CFAP77: variants seen among roughly 807,000 people sequenced by gnomAD.
CFAP77 encodes cilia and flagella associated protein 77.
Under a neutral mutation model 31.1 loss-of-function variants are expected in CFAP77, and 25 were observed. The observed-to-expected ratio is 0.80, with a 90% CI of 0.59 to 1.12. The LOEUF (loss-of-function observed/expected upper bound fraction) is 1.12, where lower values mean the gene tolerates loss of function less well. Among genes scored for constraint, CFAP77 ranks in the 50% most tolerant of loss-of-function variants. The probability of loss-of-function intolerance (pLI) is 0.00; values close to 1 mark genes in which losing one functional copy is unlikely to be tolerated. For synonymous variants in CFAP77, 151 were observed against 159.9 expected, an observed-to-expected ratio of 0.94 and a Z score of 0.42; for missense variants, 377 against 397.3, an observed-to-expected ratio of 0.95 and a Z score of 0.44.
Position 132,446,172 on chromosome 9 carries a change from A to C in CFAP77, c.195+35706A>C, listed in dbSNP as rs188049139. Among the ~76,000 whole-genome samples the C allele has an allele frequency of 4.9e-4, 74 of 152,214 alleles. No homozygotes were observed. In the East Asian group the frequency reaches 6.2e-3, roughly 13 times the overall value. On this transcript the variant is annotated intron_variant, in intron 1 of 5. Transcript: ENST00000393216. ...GGCATGGTGAGCACATGAGAACTTGATCCATGAGATATTTTTCATTATGGA... is the reference window on the plus strand; with the variant it reads ...GGCATGGTGAGCACATGAGAACTTGCTCCATGAGATATTTTTCATTATGGA...
chr9:132,516,632 C>T (rs764090663), intron 3 of CFAP77, among the ~76,000 whole-genome samples: 7 of 147,034 alleles, frequency 4.8e-5, no homozygotes, highest in African/African-American at 1.5e-4. Context: ...CGAGTATGGG[C>T]GAAATCAGGG....
intron 1 of CFAP77, among the ~76,000 whole-genome samples, chr9:132,434,717 C>T (rs1220038694): frequency 1.3e-5 from 2 of 151,940 alleles, no homozygotes; most frequent in African/African-American, 2.4e-5. Flanking sequence ...GTTATCAAGC[C>T]CCCAAGCGCC....
chr9:132,433,708 C>T (rs531530619), intron 1 of CFAP77, among the ~76,000 whole-genome samples: 2 of 152,150 alleles, frequency 1.3e-5, no homozygotes, highest in African/African-American at 4.8e-5. Context: ...CCACCATGCC[C>T]AGCTAATTTT....
chr9:132,529,520 C>CAAAAAACA (rs1852398324), intron 3 of CFAP77, among the ~76,000 whole-genome samples: 1 of 123,416 alleles, frequency 8.1e-6, no homozygotes, highest in Admixed American at 7.7e-5. Context: ...AAAAAAAAAA[C>CAAAAAACA]AAAAAAAAAA....
At position 132,572,427 on chromosome 9, in the gene CFAP77, C is replaced by T. The variant is rs141309620; in HGVS notation, c.772C>T (p.Arg258Cys). ...TGATACGTTCCCCACGGAGGCCGAT[C>T]GCCAGAGAGCATTAAAAGCCCACCG... ...HLDTFPTEAD[R>C]QRALKAHREE... is the part of the protein sequence containing the mutation. The change falls in exon 6 of 6, where the codon CGC becomes TGC. Residue 258 changes from arginine (R) to cysteine (C), a missense_variant. Physicochemically the swap from Arg to Cys is radical, Grantham distance 180 (BLOSUM62 -3). Coordinates refer to ENST00000393216, the MANE Select transcript of CFAP77 (RefSeq NM_001282957.2). The T allele has an allele frequency of 1.1e-4, 172 of 1,613,230 alleles. No individual in the cohort carries two copies. The African/African-American group carries it at 2.1e-3, about 19-fold the overall frequency.
At chr9:132,438,518 G>GTTATATATATATATATATATATATCTAT (rs1334397510) in intron 1 of CFAP77, among the ~76,000 whole-genome samples, 1 of 111,192 alleles carries the variant, frequency 9.0e-6, no homozygotes, top group Non-Finnish European at 1.7e-5. Flanking sequence ...GAACAGATAT[G>GTTATATATATATATATATATATATCTAT]GTATATATAT....
chr9:132,468,114 G>A lies in CFAP77; in HGVS notation c.196-30581G>A, dbSNP rs190168727. 6.5e-3 allele frequency among the ~76,000 whole-genome samples: 985 copies of A among 152,024 alleles called. 10 individuals carry two copies. The highest frequency in any genetic ancestry group is 0.022 in the African/African-American group (912 of 41,446). ...TCTCAGCACTTTGGGAGGCCGAGGC[G>A]GGTGGGTCACTTGAGGTCAGGAGTT... On this transcript the variant is annotated intron_variant, in intron 1 of 5. Transcript: ENST00000393216.
At chr9:132,482,292 T>C (rs1226920188) in intron 1 of CFAP77, 1 of 1,587,564 alleles carries the variant, frequency 6.3e-7, no homozygotes, top group Non-Finnish European at 8.6e-7. Context: ...TCAAGTGGAC[T>C]CTGCATTTCT....
At chr9:132,418,491 G>A (rs563331507) in intron 1 of CFAP77, among the ~76,000 whole-genome samples, 3 of 152,252 alleles carry the variant, frequency 2.0e-5, no homozygotes, top group Non-Finnish European at 4.4e-5. Flanking sequence ...GAAATGAGCC[G>A]GTTTGGTTTT....
At chr9:132,457,409 T>G (rs989810658) in intron 1 of CFAP77, among the ~76,000 whole-genome samples, 2 of 152,168 alleles carry the variant, frequency 1.3e-5, no homozygotes, top group South Asian at 4.1e-4. Flanking sequence ...ACTGCCTAGT[T>G]TTTCTTTTGT....
In CFAP77 at chr9:132,501,707, G is replaced by A. The variant is rs1047629564; in HGVS notation, c.524+2107G>A. 6.6e-6 allele frequency among the ~76,000 whole-genome samples: 1 copy of A among 152,204 alleles called. No homozygotes were observed. Among genetic ancestry groups the A allele is most frequent in the African/African-American group, 2.4e-5 (1 of 41,452 alleles). ...TGTGAGCCACTGCGCCCGGTTACATGACTATCTTCTACTCAGCCACTGTGG... is the reference window on the plus strand; with the variant it reads ...TGTGAGCCACTGCGCCCGGTTACATAACTATCTTCTACTCAGCCACTGTGG... On this transcript the variant is annotated intron_variant, in intron 3 of 5. Transcript: ENST00000393216. This position sits in a 1 kb window ranked among gnomAD's most constrained non-coding sequence, Gnocchi z 4.6.
chr9:132,475,823 A>G (rs1294229082), intron 1 of CFAP77, among the ~76,000 whole-genome samples: 1 of 152,062 alleles, frequency 6.6e-6, no homozygotes, highest in Non-Finnish European at 1.5e-5. Flanking sequence ...TCCTGTGCGC[A>G]CTGGTAGTAG....
intron 3 of CFAP77, 93 bp from the exon 4 acceptor site, chr9:132,537,508 G>T: frequency 1.2e-6 from 1 of 849,722 alleles, no homozygotes; most frequent in East Asian, 2.5e-5. Context: ...CACAGCCCCT[G>T]ACGTTTAGGA....
At chr9:132,531,927 C>T (rs1352827497) in intron 3 of CFAP77, among the ~76,000 whole-genome samples, 1 of 152,052 alleles carries the variant, frequency 6.6e-6, no homozygotes, top group East Asian at 1.9e-4. Flanking sequence ...TTTGTGGTGG[C>T]GATGGATGTA....
chr9:132,533,413 G>A (rs1852491718), intron 3 of CFAP77, among the ~76,000 whole-genome samples: 1 of 151,072 alleles, frequency 6.6e-6, no homozygotes, highest in Admixed American at 6.6e-5. Context: ...CAATTCTGGA[G>A]GCCAGAAGCA....
At chr9:132,479,054 A>G (rs1851400096) in intron 1 of CFAP77, among the ~76,000 whole-genome samples, 1 of 152,230 alleles carries the variant, frequency 6.6e-6, no homozygotes, top group Non-Finnish European at 1.5e-5. Flanking sequence ...GGAGTCTTTT[A>G]CAATAATGGG....
At chr9:132,556,331 C>T (rs146177055) in intron 5 of CFAP77, among the ~76,000 whole-genome samples, 30 of 152,294 alleles carry the variant, frequency 2.0e-4, no homozygotes, top group Admixed American at 3.9e-4. Context: ...TATTTCTAAG[C>T]GGGGGTGGGC....
chr9:132,530,676 C>T (rs1852429059), intron 3 of CFAP77, among the ~76,000 whole-genome samples: 1 of 152,076 alleles, frequency 6.6e-6, no homozygotes, highest in Non-Finnish European at 1.5e-5. Context: ...GAGTCCTTTG[C>T]CAGATACATG....
intron 1 of CFAP77, among the ~76,000 whole-genome samples, chr9:132,485,231 A>G (rs918840724): frequency 6.6e-6 from 1 of 152,220 alleles, no homozygotes; most frequent in Non-Finnish European, 1.5e-5. Context: ...TGGTATGACT[A>G]CTTTTTATTA....
Sources: allele counts gnomAD v4.1 joint callset (sites outside exome capture counted in the v4.1 genomes callset), GRCh38; gene constraint gnomAD v4.1.1; non-coding constraint Gnocchi (gnomAD v3.1); transcripts MANE v1.5; gene names NCBI Gene and HGNC (gene_info 2026-07-23, HGNC 2026-07-21).